ARHGEF10L: variants seen among roughly 807,000 people sequenced by gnomAD.
ARHGEF10L encodes rho guanine nucleotide exchange factor 10-like protein.
In ARHGEF10L, 69 loss-of-function variants were observed where a neutral mutation model predicts 141.2. The observed-to-expected ratio is 0.49, with a 90% CI of 0.40 to 0.60. ARHGEF10L has a LOEUF of 0.60. Ranked by LOEUF, ARHGEF10L falls within the 20% of genes least tolerant of loss-of-function variation. ARHGEF10L has a pLI of 0.00. For synonymous variants in ARHGEF10L, 711 were observed against 718.5 expected, an observed-to-expected ratio of 0.99 and a Z score of 0.17; for missense variants, 1,482 against 1,734.3, an observed-to-expected ratio of 0.85 and a Z score of 2.58.
chr1:17,548,646 CTTTTT>C (rs892480738), intron 1 of ARHGEF10L, among the ~76,000 whole-genome samples: 1 of 88,324 alleles, frequency 1.1e-5, no homozygotes, highest in African/African-American at 4.8e-5. Context: ...CAAAATAATT[CTTTTT>C]TTTTTTTTTT....
chr1:17,691,250 AT>A (rs954630203), intron 27 of ARHGEF10L: 277 of 370,548 alleles, frequency 7.5e-4, no homozygotes, highest in Middle Eastern at 1.1e-3. Context: ...CACCATTAGA[AT>A]TTTTTTTTTC....
chr1:17,616,858 G>C (rs987449723), intron 9 of ARHGEF10L, among the ~76,000 whole-genome samples: 1 of 152,338 alleles, frequency 6.6e-6, no homozygotes. Flanking sequence ...GGTGTGCAGA[G>C]CCCCGGATGT....
intron 4 of ARHGEF10L, among the ~76,000 whole-genome samples, chr1:17,591,458 C>G (rs1040407470): frequency 6.8e-6 from 1 of 146,094 alleles, no homozygotes; most frequent in African/African-American, 2.6e-5. Context: ...GTTGCCCAGG[C>G]TGGAGTGTGG....
rs1032355575 is a variant in ARHGEF10L at position 17,600,777 on chromosome 1, C to A, written c.258-1350C>A. On this transcript the variant is annotated intron_variant, in intron 4 of 28. Transcript: ENST00000361221. The stretch of plus-strand genomic sequence containing the variant: ...AATATTGAGGAGTGATGTTTAGGTG[C>A]GGTGACTCACTCCTGTAATCCCAGC... Among the ~76,000 whole-genome samples the A allele has an allele frequency of 2.0e-5, 3 of 151,966 alleles. No individual in the cohort carries two copies. In the South Asian group the frequency reaches 6.2e-4, roughly 32 times the overall value.
At chr1:17,588,402 C>T (rs1433083735) in intron 3 of ARHGEF10L, 44 bp from the exon 4 acceptor site, 4 of 1,611,492 alleles carry the variant, frequency 2.5e-6, no homozygotes, top group Admixed American at 1.7e-5. Context: ...TGCCTGGGGC[C>T]AGCCTCTGGC....
At chr1:17,550,199 C>CT (rs2077059860) in intron 1 of ARHGEF10L, among the ~76,000 whole-genome samples, 1 of 152,210 alleles carries the variant, frequency 6.6e-6, no homozygotes, top group African/African-American at 2.4e-5. Context: ...AAGAGAAGAA[C>CT]TGAGCATGAC....
At chr1:17,590,909 C>A (rs1303935012) in intron 4 of ARHGEF10L, among the ~76,000 whole-genome samples, 2 of 152,170 alleles carry the variant, frequency 1.3e-5, no homozygotes, top group Non-Finnish European at 2.9e-5. Flanking sequence ...ATCGCTTGAA[C>A]CTGGGAGGTG....
chr1:17,635,110 G>A lies in ARHGEF10L; in HGVS notation c.1927+94G>A, dbSNP rs934094850. ...CTACCCAGGCTTGGCCCTGTCTTGG[G>A]GACCCCTACATAGGCTGATGGGTGG... On this transcript the variant is annotated intron_variant, in intron 18 of 28. Coordinates refer to ENST00000361221, the MANE Select transcript of ARHGEF10L (RefSeq NM_018125.4). 21 of 1,502,052 alleles carry A rather than the reference G, an allele frequency of 1.4e-5. No individual in the cohort carries two copies. In the African/African-American group the frequency reaches 2.9e-4, roughly 21 times the overall value. The allele number at this position is 1,502,052 out of a possible 1,614,324, so 93.0% of individuals were successfully genotyped here.
At chr1:17,659,949 C>G (rs1399750237) in intron 25 of ARHGEF10L, among the ~76,000 whole-genome samples, 1 of 152,236 alleles carries the variant, frequency 6.6e-6, no homozygotes. Context: ...CAGAGTCCCA[C>G]CTGCAGCTGA....
chr1:17,515,319 A>G, the ARHGEF10L span, among the ~76,000 whole-genome samples: 1 of 146,936 alleles, frequency 6.8e-6, no homozygotes, highest in Non-Finnish European at 1.5e-5. Context: ...TTTGAGACAG[A>G]GTCTCACTGT....
the ARHGEF10L span, among the ~76,000 whole-genome samples, chr1:17,515,416 C>T: frequency 2.0e-5 from 3 of 151,526 alleles, no homozygotes; most frequent in African/African-American, 7.3e-5. Context: ...GCCTCAGCCT[C>T]TGGAGTAGCT....
chr1:17,641,818 A>C (rs2061342477), intron 21 of ARHGEF10L, among the ~76,000 whole-genome samples: 1 of 151,680 alleles, frequency 6.6e-6, no homozygotes, highest in East Asian at 1.9e-4. Context: ...ATCTCTACTA[A>C]AAATACAAAA....
At chr1:17,638,051 C>A in intron 19 of ARHGEF10L, 48 bp downstream of exon 19, 1 of 1,507,888 alleles carries the variant, frequency 6.6e-7, no homozygotes, top group Non-Finnish European at 9.0e-7. Flanking sequence ...CCAGTGTGGG[C>A]AGTGCCTGGA....
At position 17,664,171 on chromosome 1, in the gene ARHGEF10L, A is replaced by AAG. The variant is rs754318187; in HGVS notation, c.2861-265_2861-264dup. Among the ~76,000 whole-genome samples the AAG allele has an allele frequency of 1.6e-3, 244 of 152,106 alleles. 5 individuals carry two copies. The East Asian group carries it at 0.046, about 29-fold the overall frequency. On this transcript the variant is annotated intron_variant, in intron 25 of 28. Coordinates refer to ENST00000361221, the MANE Select transcript of ARHGEF10L (RefSeq NM_018125.4). ...GGAATGAATGAATGGGAGAGAGGGAAAGAGAGAGAGAGGCAGGGAAGGGAA... is the reference window on the plus strand; with the variant it reads ...GGAATGAATGAATGGGAGAGAGGGAAAGAGAGAGAGAGAGGCAGGGAAGGGAA...
chr1:17,535,955 C>T (rs1307989413), upstream of ARHGEF10L, among the ~76,000 whole-genome samples: 1 of 152,164 alleles, frequency 6.6e-6, no homozygotes, highest in East Asian at 1.9e-4. Context: ...AACATGCCAC[C>T]ACATGTGGTA....
chr1:17,516,040 G>A, the ARHGEF10L span, among the ~76,000 whole-genome samples: 1 of 152,168 alleles, frequency 6.6e-6, no homozygotes, highest in East Asian at 1.9e-4. Flanking sequence ...ACGGCTTGGT[G>A]AGGGGCTCCT....
chr1:17,692,740 C>T (rs912868899), intron 27 of ARHGEF10L, among the ~76,000 whole-genome samples: 1 of 152,262 alleles, frequency 6.6e-6, no homozygotes, highest in African/African-American at 2.4e-5. Flanking sequence ...CCTAGGCCTT[C>T]CGGTAGCTTT....
rs2077429412 is a variant in ARHGEF10L, at chr1:17,558,536, G to T, written c.-44+18586G>T. 6.6e-6 allele frequency among the ~76,000 whole-genome samples: 1 copy of T among 152,250 alleles called. No individual in the cohort carries two copies. The highest frequency in any genetic ancestry group is 1.5e-5 in the Non-Finnish European group (1 of 68,048). On this transcript the variant is annotated intron_variant, in intron 1 of 28. Coordinates refer to ENST00000361221, the MANE Select transcript of ARHGEF10L (RefSeq NM_018125.4). The surrounding 1 kb of genome is among the most constrained non-coding windows in gnomAD (Gnocchi z 4.2). ...GAGACTGCTCTGATGCCAGCTGCATGTGCTAAGCAAAGTGTATTTGGGAGT... is the reference window on the plus strand; with the variant it reads ...GAGACTGCTCTGATGCCAGCTGCATTTGCTAAGCAAAGTGTATTTGGGAGT...
chr1:17,605,147 G>A lies in ARHGEF10L; in HGVS notation c.433+1556G>A, dbSNP rs372768081. ...GTTGTTAGTGTTATGCCTGCCGAGGGTCCCAGCACTGGCCTGCCTGGGGCT... is the reference window on the plus strand; with the variant it reads ...GTTGTTAGTGTTATGCCTGCCGAGGATCCCAGCACTGGCCTGCCTGGGGCT... On this transcript the variant is annotated intron_variant, in intron 6 of 28. Transcript: ENST00000361221. 8.5e-5 allele frequency among the ~76,000 whole-genome samples: 13 copies of A among 152,316 alleles called. No homozygotes were observed. The East Asian group carries it at 2.1e-3, about 25-fold the overall frequency.
Sources: allele counts gnomAD v4.1 joint callset (sites outside exome capture counted in the v4.1 genomes callset), GRCh38; gene constraint gnomAD v4.1.1; non-coding constraint Gnocchi (gnomAD v3.1); transcripts MANE v1.5; gene names NCBI Gene and HGNC (gene_info 2026-07-23, HGNC 2026-07-21).